Variants in PPP1R1C observed in about 807,000 individuals in gnomAD.
PPP1R1C encodes the protein protein phosphatase 1 regulatory inhibitor subunit 1C.
A neutral mutation model predicts 17.4 loss-of-function variants in PPP1R1C; 15 were observed. The ratio of observed to expected loss-of-function variants is 0.86; its 90% CI spans 0.58 to 1.33. The LOEUF (loss-of-function observed/expected upper bound fraction) is 1.33. PPP1R1C is among the 40% of genes most tolerant of loss of function. The probability of loss-of-function intolerance (pLI) is 0.00; values close to 1 mark genes in which losing one functional copy is unlikely to be tolerated. For missense variants in PPP1R1C, 143 were observed against 130.0 expected, an observed-to-expected ratio of 1.10 and a Z score of -0.48; for synonymous variants, 35 against 43.1, an observed-to-expected ratio of 0.81 and a Z score of 0.73.
At chr2:182,123,399 C>CTGG (rs1689786573) in intron 5 of PPP1R1C, among the ~76,000 whole-genome samples, 1 of 152,192 alleles carries the variant, frequency 6.6e-6, no homozygotes, top group African/African-American at 2.4e-5. Context: ...AATGGTATTT[C>CTGG]TGGTTCTAGA....
At chr2:181,983,185 C>T (rs1383171454), upstream of PPP1R1C, among the ~76,000 whole-genome samples, 2 of 152,168 alleles carry the variant, frequency 1.3e-5, no homozygotes, top group Non-Finnish European at 2.9e-5. Flanking sequence ...GACTTCTCTA[C>T]TGGCCTTATA....
At chr2:182,081,683 G>A (rs1291303575) in intron 4 of PPP1R1C, among the ~76,000 whole-genome samples, 1 of 152,080 alleles carries the variant, frequency 6.6e-6, no homozygotes, top group Non-Finnish European at 1.5e-5. Context: ...AAAAAGTATT[G>A]TGTCATATTA....
intron 2 of PPP1R1C, among the ~76,000 whole-genome samples, chr2:182,047,707 T>C (rs187047026): frequency 6.6e-6 from 1 of 152,306 alleles, no homozygotes; most frequent in African/African-American, 2.4e-5. Flanking sequence ...GGATAAAATA[T>C]GTCTTATAAG....
intron 2 of PPP1R1C, among the ~76,000 whole-genome samples, chr2:182,039,901 A>G (rs1188721281): frequency 6.6e-6 from 1 of 152,166 alleles, no homozygotes; most frequent in Non-Finnish European, 1.5e-5. Flanking sequence ...GAGAACATAC[A>G]ATATTAGTTT....
chr2:182,090,033 C>A (rs1574443250), intron 4 of PPP1R1C, among the ~76,000 whole-genome samples: 1 of 152,048 alleles, frequency 6.6e-6, no homozygotes, highest in East Asian at 1.9e-4. Context: ...GAAAGTCTAA[C>A]CAAAAGCAAA....
At chr2:182,040,369 A>G (rs1687145047) in intron 2 of PPP1R1C, among the ~76,000 whole-genome samples, 1 of 152,054 alleles carries the variant, frequency 6.6e-6, no homozygotes, top group African/African-American at 2.4e-5. Context: ...GGTGTATCTC[A>G]TTGTGGTTTT....
At chr2:182,060,997 C>T (rs1257275202) in intron 2 of PPP1R1C, among the ~76,000 whole-genome samples, 1 of 152,082 alleles carries the variant, frequency 6.6e-6, no homozygotes, top group Admixed American at 6.6e-5. Flanking sequence ...GAGGATACTG[C>T]CTTCCTTGTA....
chr2:181,990,940 C>T (rs1685457004), intron 2 of PPP1R1C, among the ~76,000 whole-genome samples: 1 of 152,188 alleles, frequency 6.6e-6, no homozygotes, highest in Non-Finnish European at 1.5e-5. Context: ...CTTGGACTCA[C>T]CTGTCATTAA....
chr2:182,088,381 T>A (rs1462692639), intron 4 of PPP1R1C, among the ~76,000 whole-genome samples: 1 of 152,220 alleles, frequency 6.6e-6, no homozygotes, highest in Non-Finnish European at 1.5e-5. Flanking sequence ...CCTCTTGCTG[T>A]GAAAATCTTC....
At chr2:182,108,741 T>C (rs1442791255) in intron 4 of PPP1R1C, among the ~76,000 whole-genome samples, 1 of 152,224 alleles carries the variant, frequency 6.6e-6, no homozygotes, top group East Asian at 1.9e-4. Flanking sequence ...TGTCTTCTTT[T>C]TCTTATAATC....
chr2:182,009,406 C>A (rs1356904989), intron 2 of PPP1R1C, among the ~76,000 whole-genome samples: 1 of 152,050 alleles, frequency 6.6e-6, no homozygotes, highest in Non-Finnish European at 1.5e-5. Flanking sequence ...TTTTCATATA[C>A]CTATTTGCCA....
intron 2 of PPP1R1C, among the ~76,000 whole-genome samples, chr2:182,037,401 A>T (rs923212255): frequency 1.3e-5 from 2 of 152,328 alleles, no homozygotes; most frequent in East Asian, 3.9e-4. Context: ...ATCCTGGCCA[A>T]CACGGTGAAA....
chr2:182,038,501 C>T (rs1385862539), intron 2 of PPP1R1C, among the ~76,000 whole-genome samples: 1 of 151,942 alleles, frequency 6.6e-6, no homozygotes, highest in Non-Finnish European at 1.5e-5. Context: ...GTTAATGCCC[C>T]CAAACTGAAA....
At chr2:182,110,259 A>T (rs1285405401) in intron 4 of PPP1R1C, among the ~76,000 whole-genome samples, 2 of 151,040 alleles carry the variant, frequency 1.3e-5, no homozygotes, top group Non-Finnish European at 2.9e-5. Flanking sequence ...TGAAAAATAA[A>T]ATTTAATAAG....
At chr2:182,086,784 T>C (rs1574440612) in intron 4 of PPP1R1C, among the ~76,000 whole-genome samples, 1 of 152,264 alleles carries the variant, frequency 6.6e-6, no homozygotes, top group East Asian at 1.9e-4. Flanking sequence ...ATGAAACATA[T>C]AAATTCATTA....
At chr2:182,072,594 G>A (rs1261149019) in intron 4 of PPP1R1C, among the ~76,000 whole-genome samples, 2 of 151,942 alleles carry the variant, frequency 1.3e-5, no homozygotes, top group African/African-American at 4.8e-5. Flanking sequence ...TTTTTTTAGG[G>A]TGTCCTATGA....
chr2:182,020,370 GAGA>G (rs1043359668), intron 2 of PPP1R1C, among the ~76,000 whole-genome samples: 1 of 152,208 alleles, frequency 6.6e-6, no homozygotes. Flanking sequence ...GTTAGAGAAT[GAGA>G]AGGACTGTGC....
chr2:181,968,809 C>A (rs1337634928), intron 1 of PPP1R1C, among the ~76,000 whole-genome samples: 2 of 151,978 alleles, frequency 1.3e-5, no homozygotes, highest in African/African-American at 2.4e-5. Flanking sequence ...GTGATTTTCT[C>A]TGGTTTTAAA....
At chr2:182,047,239 A>C (rs1324341715) in intron 2 of PPP1R1C, among the ~76,000 whole-genome samples, 1 of 152,210 alleles carries the variant, frequency 6.6e-6, no homozygotes, top group Admixed American at 6.5e-5. Flanking sequence ...TATGTAGAAA[A>C]ATGAAATATT....
Sources: allele counts gnomAD v4.1 joint callset (sites outside exome capture counted in the v4.1 genomes callset), GRCh38; gene constraint gnomAD v4.1.1; transcripts MANE v1.5; gene names NCBI Gene and HGNC (gene_info 2026-07-23, HGNC 2026-07-21).